PGC: variants seen among roughly 807,000 people sequenced by gnomAD.
PGC encodes gastricsin.
PGC carries 31 observed loss-of-function variants against 45.9 expected under a neutral mutation model. That is an observed-to-expected ratio of 0.67 (90% CI 0.51 to 0.91). The LOEUF (loss-of-function observed/expected upper bound fraction) is 0.91, where lower values mean the gene tolerates loss of function less well. Among genes scored for constraint, PGC ranks in the 40% least tolerant of loss-of-function variants. The pLI, the probability that PGC is intolerant of heterozygous loss-of-function variation, is 0.00. For synonymous variants in PGC, 192 were observed against 201.8 expected, an observed-to-expected ratio of 0.95 and a Z score of 0.41; for missense variants, 477 against 493.2, an observed-to-expected ratio of 0.97 and a Z score of 0.31.
At chr6:41,742,143 G>C (rs1283725052) in intron 5 of PGC, 147 bp downstream of exon 5, 1 of 743,966 alleles carries the variant, frequency 1.3e-6, no homozygotes, top group Non-Finnish European at 2.3e-6. Flanking sequence ...GGAAGCCCAG[G>C]AAGGAAGGCC....
intron 7 of PGC, among the ~76,000 whole-genome samples, chr6:41,738,201 T>TATATATACGTATATATAC (rs1561879826): frequency 1.3e-4 from 2 of 15,674 alleles, no homozygotes; most frequent in African/African-American, 2.3e-4. Context: ...CATATATATA[T>TATATATACGTATATATAC]GCATATATAT....
At chr6:41,747,118 C>T (rs1771941983) in intron 1 of PGC, among the ~76,000 whole-genome samples, 158 bp downstream of exon 1, 1 of 152,218 alleles carries the variant, frequency 6.6e-6, no homozygotes, top group Non-Finnish European at 1.5e-5. Context: ...TCCTTCCACC[C>T]ATGTGTCCTG....
Position 41,741,129 on chromosome 6 carries a change from T to A in PGC, c.648-519A>T, listed in dbSNP as rs1383412764. ...CCAGCTTGTTACTTTTCTGCTGAGA[T>A]TGGAGACAGGTAGGGTCTTGGTGAA... is the stretch of plus-strand genomic sequence containing the variant. On this transcript the variant is annotated intron_variant, in intron 5 of 8. Coordinates refer to ENST00000373025, the MANE Select transcript of PGC (RefSeq NM_002630.4). 7 of 1,537,054 alleles carry A rather than the reference T, an allele frequency of 4.6e-6. No individual in the cohort carries two copies. The East Asian group carries it at 1.7e-4, about 38-fold the overall frequency.
intron 5 of PGC, among the ~76,000 whole-genome samples, chr6:41,741,502 C>T (rs566526135): frequency 2.0e-5 from 3 of 152,184 alleles, no homozygotes; most frequent in South Asian, 4.1e-4. Flanking sequence ...AAAAATTAGC[C>T]GAACACAGTG....
intron 7 of PGC, 29 bp downstream of exon 7, chr6:41,739,770 G>C (rs1196821189): frequency 5.0e-6 from 8 of 1,590,062 alleles, no homozygotes; most frequent in African/African-American, 1.3e-5. Context: ...TAGCCTCCTG[G>C]GGAAGAGAGA....
At chr6:41,741,319 G>T in intron 5 of PGC, 1 of 1,174,378 alleles carries the variant, frequency 8.5e-7, no homozygotes, top group Middle Eastern at 2.4e-4. Context: ...AGATTCCCCA[G>T]ATTAGTCCAA....
rs1561879738 is a variant in PGC, at chr6:41,738,178, A to ACATATATATG, written c.916-351_916-350insCATATATATG. ...TATACATATATATGCATATATATATACATATATATATGCATATATATATGC... is the reference window on the plus strand; with the variant it reads ...TATACATATATATGCATATATATATACATATATATGCATATATATATGCATATATATATGC... On this transcript the variant is annotated intron_variant, in intron 7 of 8. Transcript: ENST00000373025. Among the ~76,000 whole-genome samples the ACATATATATG allele has an allele frequency of 5.4e-4, 15 of 27,562 alleles. 1 individual carries two copies. The highest frequency in any genetic ancestry group is 1.6e-3 in the African/African-American group (9 of 5,596). The allele number at this position is 27,562 out of a possible 152,430, so 18.1% of individuals were successfully genotyped here.
rs753617944 is a variant in PGC, at chr6:41,740,490, C to T, written c.767+1G>A. 5.0e-6 allele frequency: 8 copies of T among 1,607,958 alleles called. No homozygotes were observed. The highest frequency in any genetic ancestry group is 6.8e-6 in the Non-Finnish European group (8 of 1,177,296). The stretch of plus-strand genomic sequence containing the variant: ...TCCCCAGGGCCCCACCGCAGACTCA[C>T]TCTTCAATGCCAATCTGCCAGTAGA... On this transcript the variant is annotated splice_donor_variant, in intron 6 of 8. Coordinates refer to ENST00000373025, the MANE Select transcript of PGC (RefSeq NM_002630.4). LOFTEE classifies it high-confidence loss of function.
chr6:41,744,862 T>G lies in PGC; in HGVS notation c.60-54A>C. 1 of 1,478,380 alleles carries G rather than the reference T, an allele frequency of 6.8e-7. No individual in the cohort carries two copies. The allele number at this position is 1,478,380 out of a possible 1,614,324, so 91.6% of individuals were successfully genotyped here. ...CCCTCCCTCCTTCCTCTCTTCCCAC[T>G]CCTCTCTTTCTCTCTCTCCTTCTCT... is the stretch of plus-strand genomic sequence containing the variant. On this transcript the variant is annotated intron_variant, in intron 1 of 8. Transcript: ENST00000373025. The surrounding 1 kb of genome is among the most constrained non-coding windows in gnomAD (Gnocchi z 4.4).
Position 41,737,823 on chromosome 6 carries a change from G to A in PGC, c.921C>T (p.Leu307=), listed in dbSNP as rs762573759. 78 of 1,600,086 alleles carry A rather than the reference G, an allele frequency of 4.9e-5. No individual in the cohort carries two copies. Among genetic ancestry groups the A allele is most frequent in the Non-Finnish European group, 6.3e-5 (73 of 1,167,718 alleles). ...GATTCTGAATGCTGTTACAGTTCAC[G>A]AGAAACTGCAAGAGGAATAGGTCCC... ...GAQEDEYGQF[L]VNCNSIQNLP... The change falls in exon 8 of 9, where the codon CTC becomes CTT. Residue 307 remains leucine, a synonymous_variant. Coordinates refer to ENST00000373025, the MANE Select transcript of PGC (RefSeq NM_002630.4).
chr6:41,744,995 CTGTG>C lies in PGC; in HGVS notation c.60-191_60-188del, dbSNP rs964698410. ...TCTCTGTCTCTGTCTGTCTGTCTCT[CTGTG>C]TGTGTGTGTGTGTGTGCGCGCGCGC... is the stretch of plus-strand genomic sequence containing the variant. On this transcript the variant is annotated intron_variant, in intron 1 of 8. Transcript: ENST00000373025. This position sits in a 1 kb window ranked among gnomAD's most constrained non-coding sequence, Gnocchi z 4.4. Among the ~76,000 whole-genome samples the C allele has an allele frequency of 4.5e-4, 51 of 114,316 alleles. No homozygotes were observed. Among genetic ancestry groups the C allele is most frequent in the Middle Eastern group, 3.8e-3 (1 of 266 alleles). 75.0% of individuals were successfully genotyped at this position (114,316 alleles called of 152,430 possible).
chr6:41,736,978 G>A lies in PGC; in HGVS notation c.1041C>T (p.Val347=), dbSNP rs767505632. ...LSNNGYCTVG[V]EPTYLSSQNG... The stretch of plus-strand genomic sequence containing the variant: ...TCTGGGAGGACAGGTAGGTGGGCTC[G>A]ACTCCCACGGTGCAGTAGCCGTTGT... Residue 347 remains valine (V), a synonymous_variant, in exon 9 of 9, where the codon GTC becomes GTT. Coordinates refer to ENST00000373025, the MANE Select transcript of PGC (RefSeq NM_002630.4). 37 of 1,613,746 alleles carry A rather than the reference G, an allele frequency of 2.3e-5. No individual in the cohort carries two copies. The highest frequency in any genetic ancestry group is 2.0e-4 in the East Asian group (9 of 44,884).
intron 5 of PGC, among the ~76,000 whole-genome samples, chr6:41,742,072 AG>A (rs1483888630): frequency 6.6e-6 from 1 of 152,094 alleles, no homozygotes; most frequent in Non-Finnish European, 1.5e-5. Flanking sequence ...GACAAGTCGG[AG>A]GGGACTGGGG....
rs113012027 is a variant in PGC, at chr6:41,737,537, C to A, written c.1014+193G>T. ...TCCCCACTAATTAATAATAATTGAT[C>A]ATAGATGACAATCTTCTATTTCATA... On this transcript the variant is annotated intron_variant, in intron 8 of 8. Transcript: ENST00000373025. Among the ~76,000 whole-genome samples the A allele has an allele frequency of 4.8e-3, 730 of 152,294 alleles. 6 individuals carry two copies. The highest frequency in any genetic ancestry group is 0.016 in the African/African-American group (645 of 41,554).
At chr6:41,738,169 TATATATATAC>T (rs60745323) in intron 7 of PGC, among the ~76,000 whole-genome samples, 1 of 38,074 alleles carries the variant, frequency 2.6e-5, no homozygotes, top group South Asian at 7.5e-4. Context: ...TATATATGCA[TATATATATAC>T]ATATATATAT....
chr6:41,742,909 C>A (rs181276622), intron 4 of PGC, among the ~76,000 whole-genome samples: 1 of 152,340 alleles, frequency 6.6e-6, no homozygotes, highest in African/African-American at 2.4e-5. Flanking sequence ...CAGGCGTGAG[C>A]CACCGTAGCC....
intron 5 of PGC, chr6:41,741,039 T>C (rs1006386336): frequency 6.5e-7 from 1 of 1,536,922 alleles, no homozygotes; most frequent in Non-Finnish European, 8.7e-7. Flanking sequence ...CAGCCCACAC[T>C]CTGCTCTCCT....
In PGC at chr6:41,742,326, G is replaced by A. The variant is rs1268488231; in HGVS notation, c.611C>T (p.Ala204Val). Residue 204 changes from alanine to valine, a missense_variant, in exon 5 of 9, where the codon GCC becomes GTC. Coordinates refer to ENST00000373025, the MANE Select transcript of PGC (RefSeq NM_002630.4). ...GACGCTGAAGACGGGGCTGGTGAGG[G>A]CGCCCTCCTGCACCATGCCCTGCAT... is the stretch of plus-strand genomic sequence containing the variant. ...TAMQGMVQEG[A>V]LTSPVFSVYL... 6.2e-7 allele frequency: 1 copy of A among 1,614,114 alleles called. No individual in the cohort carries two copies. Among genetic ancestry groups the A allele is most frequent in the Non-Finnish European group, 8.5e-7 (1 of 1,180,034 alleles).
At chr6:41,741,030 A>G in intron 5 of PGC, 1 of 1,536,914 alleles carries the variant, frequency 6.5e-7, no homozygotes, top group East Asian at 2.4e-5. Flanking sequence ...TGGGACCCCC[A>G]GCCCACACTC....
Sources: gnomAD v4.1 joint callset for allele counts (sites outside exome capture counted in the v4.1 genomes callset) on GRCh38, gnomAD v4.1.1 for gene constraint, Gnocchi (gnomAD v3.1) non-coding constraint, MANE v1.5 for transcripts, NCBI Gene and HGNC (gene_info 2026-07-23, HGNC 2026-07-21) for gene names.